Variants in MDGA2 observed in about 807,000 individuals in gnomAD.
The protein encoded by MDGA2 is MAM domain containing glycosylphosphatidylinositol anchor 2, also known as MAM domain-containing glycosylphosphatidylinositol anchor protein 2.
MDGA2 carries 40 observed loss-of-function variants against 117.8 expected under a neutral mutation model. That is an observed-to-expected ratio of 0.34 (90% CI 0.26 to 0.44). The LOEUF is 0.44. MDGA2 is among the 20% of genes least tolerant of loss of function. The probability of loss-of-function intolerance (pLI) is 1.00; values close to 1 mark genes in which losing one functional copy is unlikely to be tolerated. For synonymous variants in MDGA2, 452 were observed against 439.0 expected (o/e 1.03, Z -0.37); for missense variants, 1,123 against 1,250.6 (o/e 0.90, Z 1.54).
At chr14:47,624,579 C>T (rs1187628855) in intron 1 of MDGA2, among the ~76,000 whole-genome samples, 1 of 152,126 alleles carries the variant, frequency 6.6e-6, no homozygotes, top group Non-Finnish European at 1.5e-5. Flanking sequence ...AGGGTTGGTT[C>T]CAGAACCTGA....
At chr14:47,216,133 G>A (rs1886078747) in intron 3 of MDGA2, among the ~76,000 whole-genome samples, 1 of 151,958 alleles carries the variant, frequency 6.6e-6, no homozygotes, top group Non-Finnish European at 1.5e-5. Flanking sequence ...AAGGAGAAGG[G>A]ATACTGCAGA....
chr14:47,502,495 A>G (rs1485474881), intron 1 of MDGA2, among the ~76,000 whole-genome samples: 2 of 152,198 alleles, frequency 1.3e-5, no homozygotes, highest in African/African-American at 4.8e-5. Flanking sequence ...CAGTTTTATC[A>G]TGAAGATTTG....
intron 8 of MDGA2, among the ~76,000 whole-genome samples, chr14:46,998,735 AT>A (rs1327113493): frequency 1.3e-5 from 2 of 152,134 alleles, no homozygotes; most frequent in Non-Finnish European, 2.9e-5. Context: ...ATGAACACTA[AT>A]TATCCACTAC....
At chr14:47,122,309 A>G (rs1183977630) in intron 5 of MDGA2, among the ~76,000 whole-genome samples, 2 of 152,056 alleles carry the variant, frequency 1.3e-5, no homozygotes, top group Non-Finnish European at 2.9e-5. Context: ...GAGTTGTTTA[A>G]GGCTCCATAT....
intron 6 of MDGA2, among the ~76,000 whole-genome samples, chr14:47,075,836 TGTTA>T (rs1890470808): frequency 6.6e-6 from 1 of 152,146 alleles, no homozygotes; most frequent in South Asian, 2.1e-4. Flanking sequence ...GCTGGTTTAT[TGTTA>T]TTTATATCCA....
intron 10 of MDGA2, among the ~76,000 whole-genome samples, chr14:46,886,789 C>T (rs1882693374): frequency 6.6e-6 from 1 of 151,994 alleles, no homozygotes; most frequent in South Asian, 2.1e-4. Context: ...ATATTGCTTC[C>T]CACATCAGCA....
intron 1 of MDGA2, among the ~76,000 whole-genome samples, chr14:47,475,748 C>T (rs1303456733): frequency 6.6e-6 from 1 of 152,178 alleles, no homozygotes; most frequent in Non-Finnish European, 1.5e-5. Flanking sequence ...ACTGCATGTT[C>T]TCACTTATAA....
At chr14:47,586,786 G>A (rs1311042062) in intron 1 of MDGA2, among the ~76,000 whole-genome samples, 2 of 151,860 alleles carry the variant, frequency 1.3e-5, no homozygotes, top group African/African-American at 4.8e-5. Context: ...AGGAAATTGA[G>A]TACCTAGCAG....
At chr14:47,055,773 T>C (rs1479688021) in intron 7 of MDGA2, among the ~76,000 whole-genome samples, 2 of 152,094 alleles carry the variant, frequency 1.3e-5, no homozygotes, top group African/African-American at 2.4e-5. Context: ...GCTGTGCCCA[T>C]TTATTTATTG....
intron 2 of MDGA2, among the ~76,000 whole-genome samples, chr14:47,249,081 G>A (rs754350070): frequency 4.7e-5 from 7 of 150,442 alleles, no homozygotes; most frequent in Non-Finnish European, 1.0e-4. Context: ...GCAGTGGTGC[G>A]ATCTCGGCTC....
chr14:47,433,614 T>G (rs999084644), intron 1 of MDGA2, among the ~76,000 whole-genome samples: 1 of 152,104 alleles, frequency 6.6e-6, no homozygotes, highest in Admixed American at 6.6e-5. Flanking sequence ...TAAGGGAAAT[T>G]AGAAATTCTG....
rs542211636 is a variant in MDGA2, at chr14:47,186,672, G to T, written c.595+31349C>A. ...GTAATTGAGCTGATTTTCAAATCCA[G>T]ACAGTCTAGCTCATGCTATTAACCA... On this transcript the variant is annotated intron_variant, in intron 3 of 16. Coordinates refer to ENST00000399232, the MANE Select transcript of MDGA2 (RefSeq NM_001113498.3). Among the ~76,000 whole-genome samples the T allele has an allele frequency of 2.0e-5, 3 of 152,022 alleles. No homozygotes were observed. In the East Asian group the frequency reaches 5.8e-4, roughly 29 times the overall value.
rs752729030 is a variant in MDGA2, at chr14:47,225,010, CTT to C, written c.421-6817_421-6816del. ...ACAATAATTATAGCAATATGTCACA[CTT>C]ATTTCTGAATCTGTTTTTATAAAAA... On this transcript the variant is annotated intron_variant, in intron 2 of 16. Coordinates refer to ENST00000399232, the MANE Select transcript of MDGA2 (RefSeq NM_001113498.3). Among the ~76,000 whole-genome samples, 69 of 152,114 alleles carry C rather than the reference CTT, an allele frequency of 4.5e-4. 1 individual carries two copies. The highest frequency in any genetic ancestry group is 2.1e-4 in the Non-Finnish European group (14 of 68,024).
chr14:47,107,995 AT>A lies in MDGA2; in HGVS notation c.926-10873del, dbSNP rs1175606803. Among the ~76,000 whole-genome samples, 9 of 147,340 alleles carry A rather than the reference AT, an allele frequency of 6.1e-5. No individual in the cohort carries two copies. In the South Asian group the frequency reaches 1.5e-3, roughly 24 times the overall value. ...ACAGTCTGATAACAGACCAGCCTTT[AT>A]TAGTCAAATCAGCCAAGCAGTTTTT... On this transcript the variant is annotated intron_variant, in intron 5 of 16. Coordinates refer to ENST00000399232, the MANE Select transcript of MDGA2 (RefSeq NM_001113498.3).
chr14:47,486,601 G>A (rs1894067079), intron 1 of MDGA2, among the ~76,000 whole-genome samples: 1 of 152,104 alleles, frequency 6.6e-6, no homozygotes, highest in Admixed American at 6.5e-5. Flanking sequence ...CTCCACCCAA[G>A]TCTCATCATA....
chr14:47,295,837 G>A (rs1006010870), intron 2 of MDGA2, among the ~76,000 whole-genome samples: 8 of 152,054 alleles, frequency 5.3e-5, no homozygotes, highest in African/African-American at 1.9e-4. Flanking sequence ...CCAAGAGGCG[G>A]AGGTTGCAGT....
chr14:46,880,902 T>C lies in MDGA2; in HGVS notation c.2416+1142A>G, dbSNP rs193237299. ...CTAGATAAAAGTTTTAGATCCACTTTTAACTTTTTCAAAGTTCTGCACTAA... is the reference window on the plus strand; with the variant it reads ...CTAGATAAAAGTTTTAGATCCACTTCTAACTTTTTCAAAGTTCTGCACTAA... On this transcript the variant is annotated intron_variant, in intron 11 of 16. Transcript: ENST00000399232. Among the ~76,000 whole-genome samples, 32 of 151,974 alleles carry C rather than the reference T, an allele frequency of 2.1e-4. No homozygotes were observed. The East Asian group carries it at 5.8e-3, about 28-fold the overall frequency.
intron 10 of MDGA2, among the ~76,000 whole-genome samples, chr14:46,901,802 C>T (rs1265457683): frequency 7.9e-5 from 12 of 152,204 alleles, no homozygotes; most frequent in Admixed American, 7.2e-4. Flanking sequence ...GTGACCAAAA[C>T]TGAGCATTCT....
chr14:47,647,337 T>G (rs898626019), intron 1 of MDGA2, among the ~76,000 whole-genome samples: 5 of 152,286 alleles, frequency 3.3e-5, no homozygotes, highest in African/African-American at 1.2e-4. Context: ...AATTATTCAT[T>G]TTATTGCACT....
Sources: allele counts gnomAD v4.1 joint callset (sites outside exome capture counted in the v4.1 genomes callset), GRCh38; gene constraint gnomAD v4.1.1; transcripts MANE v1.5; gene names NCBI Gene and HGNC (gene_info 2026-07-23, HGNC 2026-07-21).